The following RIF1 variants were observed in gnomAD, a reference collection of about 807,000 sequenced individuals.
RIF1 encodes replication timing regulatory factor 1.
RIF1 carries 45 observed loss-of-function variants against 247.1 expected under a neutral mutation model. That is an observed-to-expected ratio of 0.18 (90% CI 0.14 to 0.23). The LOEUF (loss-of-function observed/expected upper bound fraction) is 0.23. Among genes scored for constraint, RIF1 ranks in the 10% least tolerant of loss-of-function variants. The pLI is 1.00. For missense variants in RIF1, 2,967 were observed against 2,862.5 expected (o/e 1.04, Z -0.83); for synonymous variants, 1,087 against 978.8 (o/e 1.11, Z -2.06).
rs1215112708 is a variant in RIF1, at chr2:151,463,021, C to CAGT, written c.3503_3505dup (p.Ser1168dup). 6.2e-7 allele frequency: 1 copy of CAGT among 1,613,644 alleles called. No homozygotes were observed. On this transcript the variant is annotated inframe_insertion, in exon 30 of 36. Transcript: ENST00000444746. The stretch of plus-strand genomic sequence containing the variant: ...ACAAAACCAGTCCAGAAATGTCAAA[C>CAGT]AGTAATAATGATGAAAGAAAAAAAG...
In RIF1 at chr2:151,505,622, A is replaced by G. The variant is rs1275939031; in HGVS notation, c.*862-588A>G. Reference sequence around the variant, plus strand: ...AGGTATTATTACATGCTGGACTGTTATTCTTCCCAACATGTACATGTTTTT... The same window carrying G: ...AGGTATTATTACATGCTGGACTGTTGTTCTTCCCAACATGTACATGTTTTT... On this transcript the variant is annotated intron_variant and NMD_transcript_variant, in intron 12 of 13. Coordinates refer to the RIF1 transcript ENST00000454583. The G allele has an allele frequency of 1.7e-5, 24 of 1,411,008 alleles. No homozygotes were observed. The East Asian group carries it at 5.5e-4, about 32-fold the overall frequency. The allele number at this position is 1,411,008 out of a possible 1,614,324, so 87.4% of individuals were successfully genotyped here. A position where few individuals can be genotyped will look rare whatever the true frequency, so the allele number is the denominator to read the frequency against.
At chr2:151,503,379 T>A (rs1481356421) in intron 12 of RIF1, 1 of 1,612,472 alleles carries the variant, frequency 6.2e-7, no homozygotes, top group South Asian at 1.1e-5. Flanking sequence ...TGCGTTTGAC[T>A]CTCTCAATCT....
chr2:151,505,050 A>G (rs1199361153), intron 12 of RIF1, among the ~76,000 whole-genome samples: 1 of 152,184 alleles, frequency 6.6e-6, no homozygotes. Context: ...ATGATGTGTC[A>G]TACATACACA....
intron 29 of RIF1, 125 bp from the exon 30 acceptor site, chr2:151,462,759 T>C (rs1013754313): frequency 3.0e-6 from 2 of 677,136 alleles, no homozygotes; most frequent in South Asian, 2.1e-5. Flanking sequence ...ATAGTTGCCA[T>C]ATATTGAATG....
intron 9 of RIF1, chr2:151,492,343 A>G (rs1309017865): frequency 6.3e-7 from 1 of 1,590,142 alleles, no homozygotes; most frequent in African/African-American, 1.4e-5. Flanking sequence ...CTTTTTACAC[A>G]TTCTGACAGG....
rs181105241 is a variant in RIF1, at chr2:151,441,808, C to A, written c.1648-97C>A. On this transcript the variant is annotated intron_variant, in intron 15 of 35. Coordinates refer to ENST00000444746, the MANE Select transcript of RIF1 (RefSeq NM_018151.5). Reference sequence around the variant, plus strand: ...GATTATATTTACGTTAATGAATGAACATTACTTGTAATTGTTAGAGATATA... The same window carrying A: ...GATTATATTTACGTTAATGAATGAAAATTACTTGTAATTGTTAGAGATATA... 1.0e-3 allele frequency: 556 copies of A among 540,422 alleles called. 1 individual carries two copies. Among genetic ancestry groups the A allele is most frequent in the Admixed American group, 1.5e-3 (43 of 28,358 alleles). 33.5% of individuals were successfully genotyped at this position (540,422 alleles called of 1,614,324 possible).
At chr2:151,460,148 T>A in intron 26 of RIF1, 29 bp downstream of exon 26, 1 of 1,469,486 alleles carries the variant, frequency 6.8e-7, no homozygotes, top group Non-Finnish European at 9.2e-7. Flanking sequence ...AATCAAAAAT[T>A]TTAAGATAAA....
intron 3 of RIF1, among the ~76,000 whole-genome samples, chr2:151,412,670 A>G (rs1352956511): frequency 1.3e-5 from 2 of 152,078 alleles, no homozygotes; most frequent in Non-Finnish European, 2.9e-5. Flanking sequence ...TTTAGTAGAG[A>G]CGGGCTTTCA....
exon 14 of RIF1, chr2:151,507,905 C>T: frequency 1.3e-6 from 1 of 796,034 alleles, no homozygotes; most frequent in Non-Finnish European, 2.1e-6. Context: ...TTGTGGAGGG[C>T]TGCACAACAG....
chr2:151,486,938 T>A (rs1287996081), downstream of RIF1, among the ~76,000 whole-genome samples: 1 of 152,218 alleles, frequency 6.6e-6, no homozygotes, highest in Non-Finnish European at 1.5e-5. Context: ...CAGTTTTTTT[T>A]ATGGTGATGA....
In RIF1 at chr2:151,462,289, C is replaced by A. The variant is rs1157613476; in HGVS notation, c.3275C>A (p.Thr1092Asn). ...MYNNLDVSQD[T>N]LFTQYSQEEP... ...AATAATCTGGATGTTTCCCAAGATA[C>A]CTTATTTACTCAGTATAGTCAGGAA... Residue 1092 changes from threonine to asparagine, a missense_variant, in exon 28 of 36, where the codon ACC (threonine) becomes AAC (asparagine). By Grantham distance (65) the Thr-to-Asn change is moderately conservative. Around this residue, in one of 7 missense-constraint regions of RIF1, gnomAD observed 2,028 missense variants for 1,825.6 expected, o/e 1.11. Coordinates refer to ENST00000444746, the MANE Select transcript of RIF1 (RefSeq NM_018151.5). 4 of 1,588,862 alleles carry A rather than the reference C, an allele frequency of 2.5e-6. No homozygotes were observed. In the East Asian group the frequency reaches 6.7e-5, roughly 27 times the overall value.
intron 22 of RIF1, 97 bp downstream of exon 22, chr2:151,455,256 G>A: frequency 2.4e-6 from 2 of 834,496 alleles, no homozygotes; most frequent in South Asian, 4.1e-5. Flanking sequence ...GTAGATGGTA[G>A]TCTTGACAAT....
At chr2:151,456,754 C>T (rs1054718045) in intron 23 of RIF1, 134 bp downstream of exon 23, 15 of 526,424 alleles carry the variant, frequency 2.8e-5, no homozygotes, top group African/African-American at 4.0e-5. Context: ...TTCCTGGAGA[C>T]AGCATTTTGC....
chr2:151,487,469 A>G (rs746461699), intron 9 of RIF1, among the ~76,000 whole-genome samples: 3 of 152,208 alleles, frequency 2.0e-5, no homozygotes, highest in East Asian at 1.9e-4. Context: ...GAACATTACT[A>G]TAAATAATAC....
At chr2:151,469,577 A>G (rs1697485449) in intron 33 of RIF1, 134 bp from the exon 34 acceptor site, 1 of 603,022 alleles carries the variant, frequency 1.7e-6, no homozygotes, top group Non-Finnish European at 2.6e-6. Flanking sequence ...TTACACATAC[A>G]TGTGCCTGTC....
downstream of RIF1, among the ~76,000 whole-genome samples, chr2:151,508,437 C>T (rs1156418520): frequency 3.3e-5 from 5 of 152,204 alleles, no homozygotes; most frequent in Non-Finnish European, 7.4e-5. Flanking sequence ...ATGGGGATGC[C>T]TCCAGTGGCA....
downstream of RIF1, among the ~76,000 whole-genome samples, chr2:151,509,181 A>T (rs939609563): frequency 6.6e-6 from 1 of 152,186 alleles, no homozygotes; most frequent in Non-Finnish European, 1.5e-5. Context: ...GTTTCAGCCA[A>T]TGAGAGATGT....
the RIF1 span, chr2:151,526,350 C>T: frequency 2.2e-6 from 2 of 891,630 alleles, no homozygotes; most frequent in Non-Finnish European, 3.7e-6. Context: ...AGAACAGCAG[C>T]GTTGACAATA....
At chr2:151,514,436 A>T in the RIF1 span, 1 of 1,575,722 alleles carries the variant, frequency 6.3e-7, no homozygotes, top group Non-Finnish European at 8.7e-7. Context: ...TTTCTATATC[A>T]TGAAAGAAAA....
Sources: gnomAD v4.1 joint callset for allele counts (sites outside exome capture counted in the v4.1 genomes callset) on GRCh38, gnomAD v4.1.1 for gene constraint, gnomAD v4.1.1 regional missense constraint, MANE v1.5 for transcripts, NCBI Gene and HGNC (gene_info 2026-07-23, HGNC 2026-07-21) for gene names.